MYH14: variants seen among roughly 807,000 people sequenced by gnomAD.
The protein encoded by MYH14 is myosin heavy chain 14.
A neutral mutation model predicts 255.5 loss-of-function variants in MYH14; 123 were observed. The observed-to-expected ratio is 0.48, with a 90% CI of 0.42 to 0.56. The LOEUF is 0.56. Among genes scored for constraint, MYH14 ranks in the 20% least tolerant of loss-of-function variants. The probability of loss-of-function intolerance (pLI) is 0.00; values close to 1 mark genes in which losing one functional copy is unlikely to be tolerated. For synonymous variants in MYH14, 1,095 were observed against 1,161.2 expected, an observed-to-expected ratio of 0.94 and a Z score of 1.16; for missense variants, 2,423 against 2,802.3, an observed-to-expected ratio of 0.86 and a Z score of 3.06.
chr19:50,280,312 C>T lies in MYH14; in HGVS notation c.4219C>T (p.Arg1407Cys), dbSNP rs535145284. ...CATGGAGGCTGAGGCAGCCGGGCTGCGTGAGCAGCTGGAGGAGGAGGCAGC... is the reference window on the plus strand; with the variant it reads ...CATGGAGGCTGAGGCAGCCGGGCTGTGTGAGCAGCTGGAGGAGGAGGCAGC... Reference protein sequence around the residue: ...RAMEAEAAGLREQLEEEAAAR... With the variant: ...RAMEAEAAGLCEQLEEEAAAR... Residue 1407 changes from arginine to cysteine, a missense_variant, in exon 32 of 43, where the codon CGT becomes TGT. Arg to Cys is a radical substitution (Grantham distance 180). Around this residue, in one of 3 missense-constraint regions of MYH14, gnomAD observed 1,513 missense variants for 1,674.8 expected, o/e 0.90. Coordinates refer to ENST00000642316, the MANE Select transcript of MYH14 (RefSeq NM_001145809.2). The surrounding 1 kb of genome is among the most constrained non-coding windows in gnomAD (Gnocchi z 4.8). 63 of 1,550,564 alleles carry T rather than the reference C, an allele frequency of 4.1e-5. No individual in the cohort carries two copies. Among genetic ancestry groups the T allele is most frequent in the Middle Eastern group, 3.7e-4 (2 of 5,364 alleles).
In MYH14 at chr19:50,223,082, G is replaced by T; in HGVS notation, c.563-1G>T. The T allele has an allele frequency of 6.2e-7, 1 of 1,613,556 alleles. No homozygotes were observed. The highest frequency in any genetic ancestry group is 8.5e-7 in the Non-Finnish European group (1 of 1,179,498). The stretch of plus-strand genomic sequence containing the variant: ...ATATTCCCCCACTCTGTCCCCTACA[G>T]ATCGTGAGGACCAGTCCATTCTCTG... On this transcript the variant is annotated splice_acceptor_variant, in intron 3 of 42. Transcript: ENST00000642316. LOFTEE classifies it high-confidence loss of function.
chr19:50,211,641 G>A (rs1473525457), intron 2 of MYH14, among the ~76,000 whole-genome samples: 1 of 152,116 alleles, frequency 6.6e-6, no homozygotes, highest in Non-Finnish European at 1.5e-5. Flanking sequence ...AATTAGACCT[G>A]ACAGAGCCAG....
intron 2 of MYH14, among the ~76,000 whole-genome samples, chr19:50,213,599 A>G: frequency 6.6e-6 from 1 of 152,202 alleles, no homozygotes; most frequent in South Asian, 2.1e-4. Flanking sequence ...GGGCCTTAAT[A>G]AAGATCATTA....
At chr19:50,264,193 A>G (rs866452616) in intron 22 of MYH14, among the ~76,000 whole-genome samples, 2 of 151,948 alleles carry the variant, frequency 1.3e-5, no homozygotes, top group Middle Eastern at 3.4e-3. Context: ...GTTCCCAGCA[A>G]TGAAGTATGA....
chr19:50,232,544 A>G lies in MYH14; in HGVS notation c.1114+474A>G, dbSNP rs191517204. On this transcript the variant is annotated intron_variant, in intron 10 of 42. Coordinates refer to ENST00000642316, the MANE Select transcript of MYH14 (RefSeq NM_001145809.2). ...AGGAGGCGGAGGTTGCAGTGAGCTGAGATCGCACCACTGCACTGCAGCCTG... is the reference window on the plus strand; with the variant it reads ...AGGAGGCGGAGGTTGCAGTGAGCTGGGATCGCACCACTGCACTGCAGCCTG... 4.3e-4 allele frequency among the ~76,000 whole-genome samples: 62 copies of G among 142,910 alleles called. 1 individual carries two copies. The East Asian group carries it at 0.011, about 25-fold the overall frequency. The allele number at this position is 142,910 out of a possible 152,430, so 93.8% of individuals were successfully genotyped here.
chr19:50,277,993 C>T, intron 29 of MYH14, 90 bp from the exon 30 acceptor site: 1 of 946,390 alleles, frequency 1.1e-6, no homozygotes, highest in Non-Finnish European at 1.5e-6. Context: ...GCAGAGGGAA[C>T]AGCCAGTGCA....
At position 50,276,670 on chromosome 19, in the gene MYH14, A is replaced by G. The variant is rs2035518443; in HGVS notation, c.3681-87A>G. 13 of 1,561,348 alleles carry G rather than the reference A, an allele frequency of 8.3e-6. No homozygotes were observed. In the South Asian group the frequency reaches 8.9e-5, roughly 11 times the overall value. ...TGAGGCCCTCATATTTTAAGGAAACATGAAAAGGAGAAACAACCAGCTCCC... is the reference window on the plus strand; with the variant it reads ...TGAGGCCCTCATATTTTAAGGAAACGTGAAAAGGAGAAACAACCAGCTCCC... On this transcript the variant is annotated intron_variant, in intron 28 of 42. Transcript: ENST00000642316. The surrounding 1 kb of genome is among the most constrained non-coding windows in gnomAD (Gnocchi z 4.3).
chr19:50,216,264 C>T (rs942792843), intron 2 of MYH14, among the ~76,000 whole-genome samples: 7 of 152,086 alleles, frequency 4.6e-5, no homozygotes, highest in African/African-American at 1.4e-4. Context: ...CACTTGAGGT[C>T]AGGAGTTCAA....
Position 50,249,630 on chromosome 19 carries a change from C to T in MYH14, c.1483-20C>T, listed in dbSNP as rs111271775. The T allele has an allele frequency of 4.9e-5, 79 of 1,613,878 alleles. No homozygotes were observed. The highest frequency in any genetic ancestry group is 3.8e-4 in the South Asian group (35 of 91,068). On this transcript the variant is annotated intron_variant, in intron 13 of 42. Coordinates refer to ENST00000642316, the MANE Select transcript of MYH14 (RefSeq NM_001145809.2). Reference sequence around the variant, plus strand: ...TGTCCCTCTCCATCCTCCCAGCTCACGTGTCCTGCGTCCCTGCAGCTGAAC... The same window carrying T: ...TGTCCCTCTCCATCCTCCCAGCTCATGTGTCCTGCGTCCCTGCAGCTGAAC...
Position 50,248,902 on chromosome 19 carries a change from T to G in MYH14, c.1330-85T>G, listed in dbSNP as rs1263893462. 10 of 1,466,186 alleles carry G rather than the reference T, an allele frequency of 6.8e-6. No individual in the cohort carries two copies. In the South Asian group the frequency reaches 9.4e-5, roughly 14 times the overall value. 90.8% of individuals were successfully genotyped at this position (1,466,186 alleles called of 1,614,324 possible). ...GGAGGCGACCTTAAGGGGGACGAGC[T>G]GGGGGCCCTTCCCCGGTTCACCCCC... On this transcript the variant is annotated intron_variant, in intron 12 of 42. Coordinates refer to ENST00000642316, the MANE Select transcript of MYH14 (RefSeq NM_001145809.2).
At position 50,280,511 on chromosome 19, in the gene MYH14, T is replaced by C; in HGVS notation, c.4290+128T>C. 1 of 1,014,024 alleles carries C rather than the reference T, an allele frequency of 9.9e-7. No homozygotes were observed. Among genetic ancestry groups the C allele is most frequent in the South Asian group, 1.7e-5 (1 of 58,168 alleles). 62.8% of individuals were successfully genotyped at this position (1,014,024 alleles called of 1,614,324 possible). ...GCCAGACCCATGGGTGCCTTTCTCA[T>C]CTCTGACTCCCCCTTACCCCCCACA... On this transcript the variant is annotated intron_variant, in intron 32 of 42. Coordinates refer to ENST00000642316, the MANE Select transcript of MYH14 (RefSeq NM_001145809.2). The surrounding 1 kb of genome is among the most constrained non-coding windows in gnomAD (Gnocchi z 4.8).
At position 50,298,459 on chromosome 19, in the gene MYH14, A is replaced by G. The variant is rs28788487; in HGVS notation, c.5470-3202A>G. On this transcript the variant is annotated intron_variant, in intron 39 of 42. Coordinates refer to ENST00000642316, the MANE Select transcript of MYH14 (RefSeq NM_001145809.2). Reference sequence around the variant, plus strand: ...TACGCAAAGCAATATCACAGGTACAAATTCCCTTGAAAATTCACAAATAAG... The same window carrying G: ...TACGCAAAGCAATATCACAGGTACAGATTCCCTTGAAAATTCACAAATAAG... Among the ~76,000 whole-genome samples, 1,336 of 152,114 alleles carry G rather than the reference A, an allele frequency of 8.8e-3. 20 individuals are homozygous for G. Among genetic ancestry groups the G allele is most frequent in the African/African-American group, 0.03 (1,255 of 41,512 alleles).
Position 50,271,965 on chromosome 19 carries a change from C to T in MYH14, c.3288C>T (p.Asp1096=). The change falls in exon 26 of 43, where the codon GAC becomes GAT. Residue 1096 remains aspartate, a synonymous_variant. Coordinates refer to ENST00000642316, the MANE Select transcript of MYH14 (RefSeq NM_001145809.2). ...LRLKYEATIA[D]MEDRLRKEEK... is the part of the protein sequence containing the mutation. ...TCAAATATGAGGCCACAATCGCAGA[C>T]ATGGAGGGTGAGCTCCCGCCCAGCC... 1 of 1,609,148 alleles carries T rather than the reference C, an allele frequency of 6.2e-7. No individual in the cohort carries two copies. Among genetic ancestry groups the T allele is most frequent in the East Asian group, 2.2e-5 (1 of 44,708 alleles).
At chr19:50,224,791 G>A (rs1421685044) in intron 6 of MYH14, 1 of 456,328 alleles carries the variant, frequency 2.2e-6, no homozygotes, top group Non-Finnish European at 4.4e-6. Flanking sequence ...TTACATAGGT[G>A]GTACAGATTT....
chr19:50,298,749 TA>T (rs771671196), intron 39 of MYH14, among the ~76,000 whole-genome samples: 2,145 of 117,592 alleles, frequency 0.018, 27 homozygotes, highest in African/African-American at 0.051. Flanking sequence ...AGACTCCATC[TA>T]AAAAAAAAAA....
chr19:50,231,089 G>A, intron 9 of MYH14: 1 of 181,142 alleles, frequency 5.5e-6, no homozygotes, highest in Non-Finnish European at 1.2e-5. Flanking sequence ...TCCTGTCCCT[G>A]CTCCCTGTTC....
rs746219904 is a variant in MYH14 at position 50,249,754 on chromosome 19, G to A, written c.1587G>A (p.Glu529=). Residue 529 remains glutamate (E), a synonymous_variant, in exon 14 of 43, where the codon GAG becomes GAA. Coordinates refer to ENST00000642316, the MANE Select transcript of MYH14 (RefSeq NM_001145809.2). Reference sequence around the variant, plus strand: ...TGGAGCAGGAGGAGTACCAGCGTGAGGGCATCCCCTGGACCTTCCTCGACT... The same window carrying A: ...TGGAGCAGGAGGAGTACCAGCGTGAAGGCATCCCCTGGACCTTCCTCGACT... The part of the protein sequence containing the change: ...FVLEQEEYQR[E]GIPWTFLDFG... 2.5e-6 allele frequency: 4 copies of A among 1,614,208 alleles called. No individual in the cohort carries two copies. The South Asian group carries it at 3.3e-5, about 13-fold the overall frequency.
chr19:50,217,583 T>C (rs1340217733), intron 2 of MYH14, 32 bp from the exon 3 acceptor site: 2 of 1,613,788 alleles, frequency 1.2e-6, no homozygotes, highest in African/African-American at 1.3e-5. Context: ...TGGGCAGCCA[T>C]CTGAGACCCT....
Position 50,210,767 on chromosome 19 carries a change from C to T in MYH14, c.402C>T (p.Ile134=). Residue 134 remains isoleucine, a synonymous_variant, in exon 2 of 43, where the codon ATC becomes ATT. Coordinates refer to ENST00000642316, the MANE Select transcript of MYH14 (RefSeq NM_001145809.2). ...NLRERYYSGL[I]YTYSGLFCVV... ...GGGAGCGGTACTACTCCGGCCTCATCTACGTGAGTGGGCTCCTGCTGGGGG... is the reference window on the plus strand; with the variant it reads ...GGGAGCGGTACTACTCCGGCCTCATTTACGTGAGTGGGCTCCTGCTGGGGG... 1 of 1,568,506 alleles carries T rather than the reference C, an allele frequency of 6.4e-7. No individual in the cohort carries two copies. The highest frequency in any genetic ancestry group is 8.6e-7 in the Non-Finnish European group (1 of 1,158,742).
Sources: gnomAD v4.1 joint callset for allele counts (sites outside exome capture counted in the v4.1 genomes callset) on GRCh38, gnomAD v4.1.1 for gene constraint, gnomAD v4.1.1 regional missense constraint, Gnocchi (gnomAD v3.1) non-coding constraint, MANE v1.5 for transcripts, NCBI Gene and HGNC (gene_info 2026-07-23, HGNC 2026-07-21) for gene names.